Variants in UBR4 observed in about 807,000 individuals in gnomAD.
UBR4 encodes E3 ubiquitin-protein ligase UBR4.
A neutral mutation model predicts 575.6 loss-of-function variants in UBR4; 124 were observed. The observed-to-expected ratio is 0.22, with a 90% CI of 0.19 to 0.25. The LOEUF is 0.25. Among genes scored for constraint, UBR4 ranks in the 10% least tolerant of loss-of-function variants. UBR4 has a pLI of 1.00. For synonymous variants in UBR4, 2,455 were observed against 2,473.7 expected, an observed-to-expected ratio of 0.99 and a Z score of 0.22; for missense variants, 4,818 against 6,478.8, an observed-to-expected ratio of 0.74 and a Z score of 8.80.
intron 44 of UBR4, 114 bp downstream of exon 44, chr1:19,154,804 G>A (rs2086225794): frequency 1.0e-5 from 15 of 1,452,328 alleles, no homozygotes; most frequent in South Asian, 2.5e-5. Flanking sequence ...AAAAAAGGTT[G>A]GCTGGAGAAA....
rs1219819931 is a variant in UBR4 at position 19,121,430 on chromosome 1, G to A, written c.9900C>T (p.Val3300=). 6.2e-7 allele frequency: 1 copy of A among 1,613,100 alleles called. No homozygotes were observed. The highest frequency in any genetic ancestry group is 1.1e-5 in the South Asian group (1 of 91,032). Residue 3300 remains valine (V), a synonymous_variant, in exon 68 of 106, where the codon GTC becomes GTT. Coordinates refer to ENST00000375254, the MANE Select transcript of UBR4 (RefSeq NM_020765.3). ...WQKFCIKDDS[V]LYFLLQVSFL... ...AACTGACTTGGAGGAGGAAGTACAG[G>A]ACGGCTGCAAGCAGAGGAGACAGAG... is the stretch of plus-strand genomic sequence containing the variant.
In UBR4 at chr1:19,180,990, T is replaced by A. The variant is rs550546471; in HGVS notation, c.2185-1770A>T. Reference sequence around the variant, plus strand: ...TCTTGCTAGTCTCACTGTTTCTCATTACTTCAAAAATTGCCCCAATTTAAT... The same window carrying A: ...TCTTGCTAGTCTCACTGTTTCTCATAACTTCAAAAATTGCCCCAATTTAAT... On this transcript the variant is annotated intron_variant, in intron 17 of 105. Transcript: ENST00000375254. Among the ~76,000 whole-genome samples the A allele has an allele frequency of 3.3e-5, 5 of 152,312 alleles. No homozygotes were observed. The South Asian group carries it at 1.0e-3, about 32-fold the overall frequency.
intron 78 of UBR4, among the ~76,000 whole-genome samples, chr1:19,111,282 T>C (rs2079842161): frequency 6.6e-6 from 1 of 152,190 alleles, no homozygotes; most frequent in African/African-American, 2.4e-5. Flanking sequence ...ACACAAACCG[T>C]ATCACTCACT....
rs1156994001 is a variant in UBR4 at position 19,113,789 on chromosome 1, A to G, written c.11367T>C (p.Ser3789=). ...GCAGGATGTAACGATTCACACTGGCAGAAGTGGAGCTGATGCCCCCTGCTG... is the reference window on the plus strand; with the variant it reads ...GCAGGATGTAACGATTCACACTGGCGGAAGTGGAGCTGATGCCCCCTGCTG... ...SGTAGGISST[S]ASVNRYILQL... is the part of the protein sequence containing the mutation. The change falls in exon 77 of 106, where the codon TCT becomes TCC. Residue 3789 remains serine, a synonymous_variant. Transcript: ENST00000375254. The G allele has an allele frequency of 2.5e-6, 4 of 1,614,138 alleles. No homozygotes were observed. In the African/African-American group the frequency reaches 5.3e-5, roughly 22 times the overall value.
chr1:19,173,242 G>A lies in UBR4; in HGVS notation c.3230C>T (p.Thr1077Ile). The A allele has an allele frequency of 6.2e-7, 1 of 1,614,188 alleles. No homozygotes were observed. The highest frequency in any genetic ancestry group is 8.5e-7 in the Non-Finnish European group (1 of 1,180,032). Residue 1077 changes from threonine to isoleucine, a missense_variant, in exon 24 of 106, where the codon ACC becomes ATC. By Grantham distance (89) the Thr-to-Ile change is moderately conservative. Around this residue, in one of 29 missense-constraint regions of UBR4, gnomAD observed 1,172 missense variants for 1,259.7 expected, o/e 0.93. Transcript: ENST00000375254. ...ATATTTCACTGAGCTACACTTAGTG[G>A]TGGATGCCAGTTCTAGAAGCGAGCT... ...HASSLLELAS[T>I]TKCSSVKYDV...
chr1:19,148,673 C>T (rs1437100432), intron 49 of UBR4, 47 bp from the exon 50 acceptor site: 1 of 1,608,314 alleles, frequency 6.2e-7, no homozygotes, highest in Non-Finnish European at 8.5e-7. Flanking sequence ...GTTCTCTCCG[C>T]CTTGCGCTTT....
chr1:19,113,796 G>A lies in UBR4; in HGVS notation c.11360C>T (p.Ser3787Phe). Reference protein sequence around the residue: ...DDSGTAGGISSTSASVNRYIL... With the variant: ...DDSGTAGGISFTSASVNRYIL... ...GTAACGATTCACACTGGCAGAAGTGGAGCTGATGCCCCCTGCTGTTCCTGA... is the reference window on the plus strand; with the variant it reads ...GTAACGATTCACACTGGCAGAAGTGAAGCTGATGCCCCCTGCTGTTCCTGA... The change falls in exon 77 of 106, where the codon TCC becomes TTC. Residue 3787 changes from serine (S) to phenylalanine (F), a missense_variant. Around this residue, in one of 29 missense-constraint regions of UBR4, gnomAD observed 333 missense variants for 459.2 expected, o/e 0.73. Coordinates refer to ENST00000375254, the MANE Select transcript of UBR4 (RefSeq NM_020765.3). The A allele has an allele frequency of 6.2e-7, 1 of 1,614,214 alleles. No homozygotes were observed.
In UBR4 at chr1:19,180,377, C is replaced by T. The variant is rs186197431; in HGVS notation, c.2185-1157G>A. Among the ~76,000 whole-genome samples the T allele has an allele frequency of 4.0e-3, 601 of 151,768 alleles. 4 individuals carry two copies. Among genetic ancestry groups the T allele is most frequent in the Middle Eastern group, 0.014 (4 of 294 alleles). ...CTAATTTTTTTATTTTTAGTAGAGA[C>T]GGGGTTTCACAATGTTGGCCAGGCT... On this transcript the variant is annotated intron_variant, in intron 17 of 105. Coordinates refer to ENST00000375254, the MANE Select transcript of UBR4 (RefSeq NM_020765.3).
chr1:19,170,924 A>T (rs1477276300), intron 25 of UBR4, 41 bp from the exon 26 acceptor site: 1 of 1,613,576 alleles, frequency 6.2e-7, no homozygotes, highest in Non-Finnish European at 8.5e-7. Context: ...ATAAGATTCT[A>T]ATCCCACCAG....
At chr1:19,127,877 A>G in intron 62 of UBR4, 138 bp from the exon 63 acceptor site, 1 of 700,384 alleles carries the variant, frequency 1.4e-6, no homozygotes, top group South Asian at 1.8e-5. Flanking sequence ...AACCCCCAGT[A>G]TATCCATGGA....
At chr1:19,124,765 C>T in intron 64 of UBR4, 75 bp from the exon 65 acceptor site, 8 of 1,557,400 alleles carry the variant, frequency 5.1e-6, no homozygotes, top group Non-Finnish European at 7.0e-6. Context: ...AAGCCTGGCT[C>T]ATTAGACGTA....
Position 19,100,717 on chromosome 1 carries a change from C to T in UBR4, c.13024-144G>A. 6.7e-6 allele frequency: 5 copies of T among 750,422 alleles called. No individual in the cohort carries two copies. The highest frequency in any genetic ancestry group is 5.5e-5 in the South Asian group (3 of 54,092). The allele number at this position is 750,422 out of a possible 1,614,324, so 46.5% of individuals were successfully genotyped here. A position where few individuals can be genotyped will look rare whatever the true frequency, so the allele number is the denominator to read the frequency against. ...ATTTAAAGATACAAAGGACAGGAAA[C>T]TCAGAGGTACTTCCAAAAATCTAAA... On this transcript the variant is annotated intron_variant, in intron 88 of 105. Transcript: ENST00000375254. The surrounding 1 kb of genome is among the most constrained non-coding windows in gnomAD (Gnocchi z 4.2).
intron 51 of UBR4, 113 bp from the exon 52 acceptor site, chr1:19,147,113 C>A (rs1477110371): frequency 2.5e-6 from 3 of 1,211,030 alleles, no homozygotes; most frequent in Middle Eastern, 2.8e-4. Flanking sequence ...CTCAAGAGAA[C>A]AGGCCAATGA....
chr1:19,183,784 G>C (rs781039785), intron 17 of UBR4, 27 bp downstream of exon 17: 4 of 1,608,662 alleles, frequency 2.5e-6, no homozygotes, highest in Non-Finnish European at 3.4e-6. Context: ...ATGAGCTCTT[G>C]CCTAGATGGT....
At chr1:19,081,718 C>T (rs754222201) in intron 102 of UBR4, 145 bp from the exon 103 acceptor site, 22 of 866,864 alleles carry the variant, frequency 2.5e-5, no homozygotes, top group South Asian at 1.6e-4. Flanking sequence ...CCATCCTTGC[C>T]GACTACTCCC....
intron 102 of UBR4, 127 bp downstream of exon 102, chr1:19,084,377 G>C: frequency 1.0e-6 from 1 of 967,258 alleles, no homozygotes; most frequent in Non-Finnish European, 1.5e-6. Flanking sequence ...TCGGCAAAAA[G>C]GCTGCCTTAG....
chr1:19,087,998 G>A (rs1444340093), intron 98 of UBR4, 69 bp from the exon 99 acceptor site: 2 of 1,285,702 alleles, frequency 1.6e-6, no homozygotes, highest in East Asian at 2.5e-5. Context: ...GCTTGGAGAT[G>A]CTCAGGAACA....
At chr1:19,106,767 G>A (rs1340569946) in intron 82 of UBR4, 41 bp from the exon 83 acceptor site, 4 of 1,600,434 alleles carry the variant, frequency 2.5e-6, no homozygotes, top group Non-Finnish European at 3.4e-6. Flanking sequence ...GTAAGTAAAT[G>A]AGAGTGACAG....
At chr1:19,131,873 G>GA (rs2082506042) in intron 60 of UBR4, among the ~76,000 whole-genome samples, 1 of 151,990 alleles carries the variant, frequency 6.6e-6, no homozygotes, top group African/African-American at 2.4e-5. Context: ...AACTACGTCT[G>GA]AAAAAACAAA....
Sources: gnomAD v4.1 joint callset for allele counts (sites outside exome capture counted in the v4.1 genomes callset) on GRCh38, gnomAD v4.1.1 for gene constraint, gnomAD v4.1.1 regional missense constraint, Gnocchi (gnomAD v3.1) non-coding constraint, MANE v1.5 for transcripts, NCBI Gene and HGNC (gene_info 2026-07-23, HGNC 2026-07-21) for gene names.